The following CDC14A variants were observed in gnomAD, a reference collection of about 807,000 sequenced individuals.
CDC14A encodes dual specificity protein phosphatase CDC14A.
Under a neutral mutation model 74.4 loss-of-function variants are expected in CDC14A, and 53 were observed. That is an observed-to-expected ratio of 0.71 (90% confidence interval 0.57 to 0.89). The LOEUF is 0.89. CDC14A is among the 40% of genes least tolerant of loss of function. The pLI is 0.00. For synonymous variants in CDC14A, 247 were observed against 258.4 expected (o/e 0.96, Z 0.43); for missense variants, 646 against 713.7 (o/e 0.91, Z 1.08).
intron 8 of CDC14A, among the ~76,000 whole-genome samples, chr1:100,461,345 C>A (rs28364877): frequency 6.6e-6 from 1 of 152,032 alleles, no homozygotes; most frequent in Non-Finnish European, 1.5e-5. Flanking sequence ...GCATAAGAGT[C>A]GGCTTGGAGC....
chr1:100,518,556 T>C lies in CDC14A; in HGVS notation c.*276T>C, dbSNP rs535019060. On this transcript the variant is annotated 3_prime_UTR_variant, in exon 16 of 16. Transcript: ENST00000336454. Reference sequence around the variant, plus strand: ...TGGTATTTTGAAGGGTTATTTTTAATGTATTTTGGTAATACATTTATTATT... The same window carrying C: ...TGGTATTTTGAAGGGTTATTTTTAACGTATTTTGGTAATACATTTATTATT... 2.1e-4 allele frequency: 65 copies of C among 305,868 alleles called. No homozygotes were observed. Among genetic ancestry groups the C allele is most frequent in the African/African-American group, 1.2e-3 (55 of 46,114 alleles). The allele number at this position is 305,868 out of a possible 1,614,324, so 18.9% of individuals were successfully genotyped here.
intron 15 of CDC14A, among the ~76,000 whole-genome samples, chr1:100,507,228 C>G (rs1649317721): frequency 6.6e-6 from 1 of 152,188 alleles, no homozygotes; most frequent in Admixed American, 6.5e-5. Flanking sequence ...TATTTTTGCA[C>G]TGCTGCCAGA....
chr1:100,399,571 CA>C (rs372488780), intron 4 of CDC14A, among the ~76,000 whole-genome samples: 3 of 151,990 alleles, frequency 2.0e-5, no homozygotes, highest in African/African-American at 7.3e-5. Context: ...TTTTAGTAAT[CA>C]TTTTTTTGAT....
chr1:100,485,777 G>C (rs1195434649), intron 11 of CDC14A: 1 of 152,190 alleles, frequency 6.6e-6, no homozygotes, highest in Admixed American at 6.5e-5. Flanking sequence ...TTTTTAGCAA[G>C]AAAGATAGCC....
intron 10 of CDC14A, among the ~76,000 whole-genome samples, chr1:100,473,548 G>A (rs1050515366): frequency 1.1e-4 from 16 of 151,926 alleles, no homozygotes; most frequent in South Asian, 6.3e-4. Context: ...CACCACGCCC[G>A]GCTAATTTTT....
At chr1:100,417,250 G>T (rs1330208198) in intron 4 of CDC14A, among the ~76,000 whole-genome samples, 5 of 152,204 alleles carry the variant, frequency 3.3e-5, no homozygotes. Context: ...ATGCAAGGTA[G>T]GCTCAGGTTG....
intron 15 of CDC14A, among the ~76,000 whole-genome samples, chr1:100,510,051 G>A (rs1159148488): frequency 6.7e-6 from 1 of 149,494 alleles, no homozygotes; most frequent in Non-Finnish European, 1.5e-5. Context: ...TAGGAACCTC[G>A]TTTCCATGCT....
At chr1:100,446,769 C>G (rs1232828668) in intron 7 of CDC14A, among the ~76,000 whole-genome samples, 1 of 152,164 alleles carries the variant, frequency 6.6e-6, no homozygotes, top group Non-Finnish European at 1.5e-5. Flanking sequence ...GCAACCTAGG[C>G]TCACTGTAGC....
intron 1 of CDC14A, among the ~76,000 whole-genome samples, chr1:100,353,349 C>T (rs1000197866): frequency 6.6e-6 from 1 of 152,186 alleles, no homozygotes; most frequent in African/African-American, 2.4e-5. Context: ...TTTCGGGACA[C>T]CCCCAACCAC....
chr1:100,451,463 G>T (rs1027896699), intron 7 of CDC14A, among the ~76,000 whole-genome samples: 5 of 152,128 alleles, frequency 3.3e-5, no homozygotes, highest in African/African-American at 1.2e-4. Flanking sequence ...AAGCCAGATG[G>T]CATGTCAACT....
At chr1:100,395,312 T>C (rs1468080096) in intron 4 of CDC14A, among the ~76,000 whole-genome samples, 1 of 152,248 alleles carries the variant, frequency 6.6e-6, no homozygotes, top group Non-Finnish European at 1.5e-5. Context: ...CTCAAATTTA[T>C]TGTGACAAAA....
chr1:100,477,824 G>A (rs777198561), intron 10 of CDC14A, among the ~76,000 whole-genome samples: 5 of 152,334 alleles, frequency 3.3e-5, no homozygotes, highest in African/African-American at 7.2e-5. Flanking sequence ...GTCAATCAGT[G>A]CTTTTTAGAG....
At chr1:100,497,872 T>G (rs555595194) in intron 13 of CDC14A, among the ~76,000 whole-genome samples, 4 of 152,262 alleles carry the variant, frequency 2.6e-5, no homozygotes, top group Admixed American at 2.0e-4. Flanking sequence ...TTAGGGTTGT[T>G]GTAAGGACAA....
intron 9 of CDC14A, among the ~76,000 whole-genome samples, chr1:100,466,711 A>C (rs892560418): frequency 1.3e-5 from 2 of 152,094 alleles, no homozygotes; most frequent in African/African-American, 4.8e-5. Flanking sequence ...TCTCTACTAA[A>C]AATACAAAAT....
chr1:100,468,185 GT>G, intron 10 of CDC14A, 91 bp downstream of exon 10: 1 of 1,429,774 alleles, frequency 7.0e-7, no homozygotes, highest in Non-Finnish European at 9.7e-7. Flanking sequence ...TCAGCCTGTG[GT>G]TATAAAATGG....
intron 10 of CDC14A, among the ~76,000 whole-genome samples, chr1:100,475,907 A>C (rs1412020887): frequency 6.6e-6 from 1 of 152,152 alleles, no homozygotes; most frequent in African/African-American, 2.4e-5. Flanking sequence ...TCTGACTCCC[A>C]ACTTAGCCTT....
rs1486826021 is a variant in CDC14A at position 100,518,235 on chromosome 1, G to A, written c.1756-16G>A. ...GTGATGGAATTTAACCTCAGTTTAT[G>A]TCTCTCCCTGCACAGTCCCTTCAGT... On this transcript the variant is annotated splice_polypyrimidine_tract_variant and intron_variant, in intron 15 of 15. Transcript: ENST00000336454. 1.2e-6 allele frequency: 2 copies of A among 1,602,642 alleles called. No homozygotes were observed. Among genetic ancestry groups the A allele is most frequent in the Non-Finnish European group, 1.7e-6 (2 of 1,171,764 alleles).
intron 9 of CDC14A, among the ~76,000 whole-genome samples, chr1:100,463,202 T>G (rs1324520720): frequency 6.6e-6 from 1 of 152,150 alleles, no homozygotes; most frequent in Non-Finnish European, 1.5e-5. Context: ...GGTAAAATTC[T>G]CAAGAGACAA....
At chr1:100,458,689 AT>A (rs397793689) in intron 8 of CDC14A, among the ~76,000 whole-genome samples, 266 of 145,464 alleles carry the variant, frequency 1.8e-3, no homozygotes, top group Middle Eastern at 3.5e-3. Context: ...CGTCTTGGTA[AT>A]TTTTTTTTTT....
Sources: gnomAD v4.1 joint callset for allele counts (sites outside exome capture counted in the v4.1 genomes callset) on GRCh38, gnomAD v4.1.1 for gene constraint, MANE v1.5 for transcripts, NCBI Gene and HGNC (gene_info 2026-07-23, HGNC 2026-07-21) for gene names.